ZNF106: variants seen among roughly 807,000 people sequenced by gnomAD.
ZNF106 encodes zinc finger protein 106.
A neutral mutation model predicts 195.1 loss-of-function variants in ZNF106; 67 were observed. The ratio of observed to expected loss-of-function variants is 0.34; its 90% confidence interval spans 0.28 to 0.42. The LOEUF (loss-of-function observed/expected upper bound fraction) is 0.42. Ranked by LOEUF, ZNF106 falls within the 10% of genes least tolerant of loss-of-function variation. The pLI is 1.00. For synonymous variants in ZNF106, 784 were observed against 818.6 expected, an observed-to-expected ratio of 0.96 and a Z score of 0.72; for missense variants, 2,118 against 2,304.5, an observed-to-expected ratio of 0.92 and a Z score of 1.66.
At position 42,440,994 on chromosome 15, in the gene ZNF106, AAAAAATATATATATATAT is replaced by A. The variant is rs1227758413; in HGVS notation, c.3763+1061_3763+1078del. Among the ~76,000 whole-genome samples, 55 of 54,480 alleles carry A rather than the reference AAAAAATATATATATATAT, an allele frequency of 1.0e-3. 2 individuals are homozygous for A. The highest frequency in any genetic ancestry group is 7.2e-3 in the African/African-American group (54 of 7,512). The allele number at this position is 54,480 out of a possible 152,430, so 35.7% of individuals were successfully genotyped here. A position where few individuals can be genotyped will look rare whatever the true frequency, so the allele number is the denominator to read the frequency against. On this transcript the variant is annotated intron_variant, in intron 10 of 21. Transcript: ENST00000564754. ...AGCGAAACTCTGTCTAAAAAAAAAA[AAAAAATATATATATATAT>A]ATATATATATATATATATATATATA...
intron 20 of ZNF106, 36 bp from the exon 21 acceptor site, chr15:42,417,987 A>G: frequency 4.4e-6 from 7 of 1,595,294 alleles, no homozygotes; most frequent in Admixed American, 1.7e-5. Flanking sequence ...TCGGTGAAAA[A>G]GGGTGCAGTG....
chr15:42,423,954 T>C (rs1233421071), intron 17 of ZNF106, 44 bp downstream of exon 17: 5 of 1,556,262 alleles, frequency 3.2e-6, no homozygotes, highest in South Asian at 1.2e-5. Context: ...GCTTTAACCA[T>C]TATTTTATTC....
Position 42,421,094 on chromosome 15 carries a change from CACGGCCTG to C in ZNF106, c.5476_5483del (p.Gln1826GlufsTer3), listed in dbSNP as rs1317857838. On this transcript the variant is annotated frameshift_variant, in exon 20 of 22. Coordinates refer to ENST00000564754, the MANE Select transcript of ZNF106 (RefSeq NM_001366845.3). LOFTEE classifies it high-confidence loss of function. ...GGTAATTCTGCATCAGATTAAGCCT[CACGGCCTG>C]AATACTGCCATCATAACAGCCAGTG... The C allele has an allele frequency of 6.2e-7, 1 of 1,614,126 alleles. No individual in the cohort carries two copies. Among genetic ancestry groups the C allele is most frequent in the Non-Finnish European group, 8.5e-7 (1 of 1,180,024 alleles).
At chr15:42,470,030 G>GA (rs940743022) in intron 2 of ZNF106, among the ~76,000 whole-genome samples, 45 of 152,072 alleles carry the variant, frequency 3.0e-4, no homozygotes, top group African/African-American at 9.2e-4. Flanking sequence ...GGGGAGGGGG[G>GA]ACTCATGGTT....
chr15:42,461,121 G>C (rs1160927044), intron 3 of ZNF106, among the ~76,000 whole-genome samples: 1 of 152,166 alleles, frequency 6.6e-6, no homozygotes, highest in African/African-American at 2.4e-5. Context: ...GAAAATTCAA[G>C]TGTGTGTGGA....
At chr15:42,456,312 T>C (rs1487743206) in intron 4 of ZNF106, among the ~76,000 whole-genome samples, 1 of 152,204 alleles carries the variant, frequency 6.6e-6, no homozygotes, top group African/African-American at 2.4e-5. Flanking sequence ...ACCTTTCCAC[T>C]GGAAAATTTA....
intron 14 of ZNF106, among the ~76,000 whole-genome samples, chr15:42,430,851 G>A (rs374138998): frequency 3.3e-5 from 5 of 150,922 alleles, no homozygotes; most frequent in African/African-American, 7.3e-5. Context: ...TGTACAAGTC[G>A]CCTAGCTAGG....
intron 2 of ZNF106, among the ~76,000 whole-genome samples, chr15:42,470,321 G>A (rs2056636973): frequency 6.6e-6 from 1 of 152,066 alleles, no homozygotes; most frequent in South Asian, 2.1e-4. Flanking sequence ...TGGGAAATTG[G>A]AGACAAGCAT....
chr15:42,452,312 C>A (rs1256894646), intron 4 of ZNF106, among the ~76,000 whole-genome samples: 1 of 151,944 alleles, frequency 6.6e-6, no homozygotes, highest in Non-Finnish European at 1.5e-5. Context: ...CACTTTAGGT[C>A]AGGAATTCAA....
intron 7 of ZNF106, among the ~76,000 whole-genome samples, chr15:42,446,284 A>C (rs1411294401): frequency 1.3e-5 from 2 of 152,216 alleles, no homozygotes; most frequent in Admixed American, 6.5e-5. Flanking sequence ...CTGAACTGCT[A>C]CAAGAACCTC....
chr15:42,465,238 T>A (rs2056488912), intron 3 of ZNF106, among the ~76,000 whole-genome samples: 2 of 150,710 alleles, frequency 1.3e-5, no homozygotes, highest in Non-Finnish European at 3.0e-5. Flanking sequence ...TTATTAGATT[T>A]CCTTTCCTTA....
At chr15:42,490,347 G>C (rs2057123218) in intron 1 of ZNF106, 1 of 152,100 alleles carries the variant, frequency 6.6e-6, no homozygotes, top group Non-Finnish European at 1.5e-5. Flanking sequence ...ACAGTCTCAA[G>C]TTGCTAAAAG....
intron 1 of ZNF106, among the ~76,000 whole-genome samples, chr15:42,485,998 G>A (rs192292088): frequency 2.8e-5 from 4 of 142,732 alleles, no homozygotes; most frequent in South Asian, 4.3e-4. Flanking sequence ...TCGCTCTGTC[G>A]CCAGGCTGGA....
chr15:42,446,789 G>A (rs2055790256), intron 6 of ZNF106, 131 bp from the exon 7 acceptor site: 2 of 781,488 alleles, frequency 2.6e-6, no homozygotes. Flanking sequence ...CATGATCGTA[G>A]AAGTCTCACG....
In ZNF106 at chr15:42,491,078, C is replaced by G. The variant is rs1372895208; in HGVS notation, c.-131G>C. 1.3e-5 allele frequency: 2 copies of G among 152,260 alleles called. No individual in the cohort carries two copies. Among genetic ancestry groups the G allele is most frequent in the African/African-American group, 4.8e-5 (2 of 41,440 alleles). 9.4% of individuals were successfully genotyped at this position (152,260 alleles called of 1,614,324 possible). ...CCCCCTTCAGTTTTGGGTCCGGGAG[C>G]CTGCTCCGGACCCGCTCCCCGCCGG... On this transcript the variant is annotated 5_prime_UTR_variant, in exon 1 of 22. Coordinates refer to ENST00000564754, the MANE Select transcript of ZNF106 (RefSeq NM_001366845.3).
chr15:42,438,488 G>T (rs2055370702), intron 12 of ZNF106, 124 bp downstream of exon 12: 3 of 797,630 alleles, frequency 3.8e-6, no homozygotes, highest in South Asian at 1.8e-5. Flanking sequence ...CAATCCTCTT[G>T]GTGATAAACC....
chr15:42,435,577 T>C, intron 13 of ZNF106, 59 bp from the exon 14 acceptor site: 1 of 1,599,134 alleles, frequency 6.3e-7, no homozygotes. Flanking sequence ...TTAGATAATA[T>C]ATTTCCTCAA....
intron 5 of ZNF106, among the ~76,000 whole-genome samples, chr15:42,449,139 C>T (rs2055885755): frequency 6.6e-6 from 1 of 152,084 alleles, no homozygotes; most frequent in East Asian, 1.9e-4. Context: ...TCAACAAGTA[C>T]AGAAATGCCC....
In ZNF106 at chr15:42,451,320, T is replaced by C; in HGVS notation, c.952A>G (p.Arg318Gly). The C allele has an allele frequency of 6.2e-7, 1 of 1,614,108 alleles. No homozygotes were observed. The highest frequency in any genetic ancestry group is 8.5e-7 in the Non-Finnish European group (1 of 1,179,940). The change falls in exon 5 of 22, where the codon AGA becomes GGA. Residue 318 changes from arginine (R) to glycine (G), a missense_variant. By Grantham distance (125) the Arg-to-Gly change is moderately radical (BLOSUM62 -2). Transcript: ENST00000564754. ...CTTGTAAATCCTTCAGAAGGACCTC[T>C]ATATGTGGCAACTGTACCAAGTTTG... Reference protein sequence around the residue: ...NDKLGTVATYRGPSEGFTSDK... With the variant: ...NDKLGTVATYGGPSEGFTSDK...
Sources: allele counts gnomAD v4.1 joint callset (sites outside exome capture counted in the v4.1 genomes callset), GRCh38; gene constraint gnomAD v4.1.1; transcripts MANE v1.5; gene names NCBI Gene and HGNC (gene_info 2026-07-23, HGNC 2026-07-21).